TMEM266: variants seen among roughly 807,000 people sequenced by gnomAD.
TMEM266 encodes the protein Hv1 related protein 1.
TMEM266 carries 33 observed loss-of-function variants against 50.5 expected under a neutral mutation model. The observed-to-expected ratio is 0.65, with a 90% CI of 0.50 to 0.87. The LOEUF is 0.87. Among genes scored for constraint, TMEM266 ranks in the 40% least tolerant of loss-of-function variants. TMEM266 has a pLI of 0.00. For missense variants in TMEM266, 655 were observed against 695.1 expected (o/e 0.94, Z 0.65); for synonymous variants, 310 against 292.3 (o/e 1.06, Z -0.62).
intron 1 of TMEM266, among the ~76,000 whole-genome samples, chr15:76,068,526 A>G (rs1041152875): frequency 6.6e-6 from 1 of 152,242 alleles, no homozygotes; most frequent in Non-Finnish European, 1.5e-5. Flanking sequence ...AATGTGACTT[A>G]TCAGGAGATA....
chr15:76,202,326 A>C, intron 10 of TMEM266, 62 bp downstream of exon 10: 1 of 1,474,566 alleles, frequency 6.8e-7, no homozygotes, highest in Non-Finnish European at 9.4e-7. Context: ...AAACCCAGAG[A>C]CAACTCGGCC....
rs890796323 is a variant in TMEM266, at chr15:76,160,427, A to T, written c.456+259A>T. ...TGGATGAGCAGGTGTTCTCCAGGTG[A>T]GGGGTGGGCGATGACTGGTGAAGGT... On this transcript the variant is annotated intron_variant, in intron 5 of 10. Transcript: ENST00000388942. This position sits in a 1 kb window ranked among gnomAD's most constrained non-coding sequence, Gnocchi z 5.7. Among the ~76,000 whole-genome samples, 1 of 152,114 alleles carries T rather than the reference A, an allele frequency of 6.6e-6. No individual in the cohort carries two copies. The highest frequency in any genetic ancestry group is 1.5e-5 in the Non-Finnish European group (1 of 68,008).
chr15:76,074,633 A>G (rs1244128756), intron 1 of TMEM266, among the ~76,000 whole-genome samples: 1 of 152,094 alleles, frequency 6.6e-6, no homozygotes, highest in Non-Finnish European at 1.5e-5. Flanking sequence ...GGCCTTGTAG[A>G]CCATGGTGAG....
At chr15:76,075,596 A>C (rs968714834) in intron 1 of TMEM266, among the ~76,000 whole-genome samples, 2 of 152,026 alleles carry the variant, frequency 1.3e-5, no homozygotes, top group African/African-American at 2.4e-5. Context: ...TTGTTGCTTC[A>C]TTAATCCAGC....
Position 76,160,220 on chromosome 15 carries a change from TGG to T in TMEM266, c.456+55_456+56del. On this transcript the variant is annotated intron_variant, in intron 5 of 10. Transcript: ENST00000388942. The surrounding 1 kb of genome is among the most constrained non-coding windows in gnomAD (Gnocchi z 5.7). ...CTCCTCTGTTGGGTGACTCCTGTCCTGGGGAAACCAAGGTCTACTTCTCGAAA... is the reference window on the plus strand; with the variant it reads ...CTCCTCTGTTGGGTGACTCCTGTCCTGGAAACCAAGGTCTACTTCTCGAAA... The T allele has an allele frequency of 6.5e-7, 1 of 1,544,878 alleles. No homozygotes were observed. Among genetic ancestry groups the T allele is most frequent in the Non-Finnish European group, 8.9e-7 (1 of 1,119,590 alleles).
At chr15:76,141,053 G>A (rs2037668657) in intron 3 of TMEM266, among the ~76,000 whole-genome samples, 1 of 151,882 alleles carries the variant, frequency 6.6e-6, no homozygotes, top group Admixed American at 6.6e-5. Flanking sequence ...AACAAAACAT[G>A]ACAGAGACGG....
rs767600432 is a variant in TMEM266, at chr15:76,204,126, G to C, written c.1407G>C (p.Ala469=). The C allele has an allele frequency of 6.2e-7, 1 of 1,613,126 alleles. No individual in the cohort carries two copies. Among genetic ancestry groups the C allele is most frequent in the Non-Finnish European group, 8.5e-7 (1 of 1,179,706 alleles). ...CCCCCCTCGCCCGGCCCAGCCCAGC[G>C]GGCTCGGCCCAAACCAGCCCCGAGC... The change falls in exon 11 of 11, where the codon GCG becomes GCC. Residue 469 remains alanine, a synonymous_variant. Coordinates refer to ENST00000388942, the MANE Select transcript of TMEM266 (RefSeq NM_152335.3).
intron 8 of TMEM266, among the ~76,000 whole-genome samples, chr15:76,188,363 A>G (rs527241361): frequency 6.6e-6 from 1 of 152,186 alleles, no homozygotes; most frequent in Non-Finnish European, 1.5e-5. Context: ...TTATAAAGCC[A>G]TCAGATTGAG....
Position 76,194,744 on chromosome 15 carries a change from G to A in TMEM266, c.958+2587G>A, listed in dbSNP as rs532982743. 8.5e-5 allele frequency among the ~76,000 whole-genome samples: 13 copies of A among 152,240 alleles called. No individual in the cohort carries two copies. The South Asian group carries it at 1.2e-3, about 15-fold the overall frequency. On this transcript the variant is annotated intron_variant, in intron 9 of 10. Coordinates refer to ENST00000388942, the MANE Select transcript of TMEM266 (RefSeq NM_152335.3). ...TGCTCTGCCTTCATCTGCACATGGC[G>A]TCCTCTCTATGCACATGTCTGGGTC...
At chr15:76,065,216 A>G (rs2036390767) in intron 1 of TMEM266, among the ~76,000 whole-genome samples, 1 of 152,122 alleles carries the variant, frequency 6.6e-6, no homozygotes, top group Admixed American at 6.6e-5. Flanking sequence ...AAAGCTTGGA[A>G]ATTTCTCTCC....
At chr15:76,180,582 T>A (rs2038383450) in intron 8 of TMEM266, among the ~76,000 whole-genome samples, 1 of 147,190 alleles carries the variant, frequency 6.8e-6, no homozygotes. Flanking sequence ...CACTGCACAG[T>A]TACTCTCTGT....
At chr15:76,065,621 C>A (rs945370502) in intron 1 of TMEM266, among the ~76,000 whole-genome samples, 10 of 152,146 alleles carry the variant, frequency 6.6e-5, no homozygotes, top group Non-Finnish European at 1.2e-4. Flanking sequence ...AGTGATTTAA[C>A]CCTCGTACCT....
chr15:76,133,076 C>T (rs1221532504), intron 1 of TMEM266, among the ~76,000 whole-genome samples: 1 of 151,912 alleles, frequency 6.6e-6, no homozygotes, highest in Non-Finnish European at 1.5e-5. Flanking sequence ...CTGCAGTGAG[C>T]CAAGATCGCA....
chr15:76,087,462 G>C (rs1467804520), intron 1 of TMEM266, among the ~76,000 whole-genome samples: 1 of 152,152 alleles, frequency 6.6e-6, no homozygotes, highest in African/African-American at 2.4e-5. Flanking sequence ...GGAGATTTTT[G>C]GTGGCAGTAG....
At chr15:76,192,986 C>T (rs1473797601) in intron 9 of TMEM266, among the ~76,000 whole-genome samples, 6 of 152,220 alleles carry the variant, frequency 3.9e-5, no homozygotes, top group African/African-American at 1.4e-4. Context: ...CTTGGCATGC[C>T]GTGTCCCCTG....
chr15:76,135,942 GTTTT>G, intron 2 of TMEM266, among the ~76,000 whole-genome samples: 1 of 145,340 alleles, frequency 6.9e-6, no homozygotes, highest in Admixed American at 6.8e-5. Context: ...GCAGCTGTGG[GTTTT>G]TTTTTTTTTC....
intron 1 of TMEM266, among the ~76,000 whole-genome samples, chr15:76,097,025 T>G (rs1250167518): frequency 6.6e-6 from 1 of 150,996 alleles, no homozygotes; most frequent in Admixed American, 6.7e-5. Context: ...GTGAGATGGG[T>G]CTCCTGAATA....
chr15:76,159,567 C>G (rs2037983367), intron 4 of TMEM266, among the ~76,000 whole-genome samples: 1 of 152,170 alleles, frequency 6.6e-6, no homozygotes, highest in Admixed American at 6.5e-5. Context: ...AGCCTTCTCT[C>G]TAAAACACAC....
intron 9 of TMEM266, among the ~76,000 whole-genome samples, chr15:76,197,074 C>G (rs896558758): frequency 6.6e-6 from 1 of 152,240 alleles, no homozygotes; most frequent in Non-Finnish European, 1.5e-5. Flanking sequence ...CGCAGGGGTG[C>G]ATGCGGCCAG....
Sources: gnomAD v4.1 joint callset for allele counts (sites outside exome capture counted in the v4.1 genomes callset) on GRCh38, gnomAD v4.1.1 for gene constraint, Gnocchi (gnomAD v3.1) non-coding constraint, MANE v1.5 for transcripts, NCBI Gene and HGNC (gene_info 2026-07-23, HGNC 2026-07-21) for gene names.